DNAJC3: variants seen among roughly 807,000 people sequenced by gnomAD.
DNAJC3 encodes DnaJ heat shock protein family (Hsp40) member C3, also known as dnaJ homolog subfamily C member 3.
Under a neutral mutation model 68.6 loss-of-function variants are expected in DNAJC3, and 38 were observed. The ratio of observed to expected loss-of-function variants is 0.55; its 90% CI spans 0.43 to 0.73. The LOEUF is 0.73. DNAJC3 is among the 30% of genes least tolerant of loss of function. The pLI is 0.00. For synonymous variants in DNAJC3, 203 were observed against 204.0 expected, an observed-to-expected ratio of 1.00 and a Z score of 0.04; for missense variants, 526 against 591.9, an observed-to-expected ratio of 0.89 and a Z score of 1.16.
At position 95,792,568 on chromosome 13, in the gene DNAJC3, T is replaced by C. The variant is rs1594036573; in HGVS notation, c.*1538T>C. On this transcript the variant is annotated 3_prime_UTR_variant, in exon 12 of 12. Coordinates refer to ENST00000602402, the MANE Select transcript of DNAJC3 (RefSeq NM_006260.5). The stretch of plus-strand genomic sequence containing the variant: ...TCGTCTGTAGTCATATCCTGAAACA[T>C]AGGTGGACAAATTTTTAACTGAGAG... 3 of 152,274 alleles carry C rather than the reference T, an allele frequency of 2.0e-5. No individual in the cohort carries two copies. The highest frequency in any genetic ancestry group is 6.5e-5 in the Admixed American group (1 of 15,300). The allele number at this position is 152,274 out of a possible 1,614,324, so 9.4% of individuals were successfully genotyped here.
chr13:95,747,887 G>A (rs1882351757), intron 4 of DNAJC3, among the ~76,000 whole-genome samples: 1 of 152,220 alleles, frequency 6.6e-6, no homozygotes, highest in Non-Finnish European at 1.5e-5. Flanking sequence ...AATTGTCCAT[G>A]CTATTCCCTG....
At chr13:95,677,505 TC>T (rs1879791083) in intron 1 of DNAJC3, among the ~76,000 whole-genome samples, 168 bp downstream of exon 1, 1 of 152,100 alleles carries the variant, frequency 6.6e-6, no homozygotes, top group Non-Finnish European at 1.5e-5. Flanking sequence ...TCCGGGTTTG[TC>T]TGGGGAAGAA....
Position 95,723,122 on chromosome 13 carries a change from C to G in DNAJC3, c.194-120C>G, listed in dbSNP as rs527564601. On this transcript the variant is annotated intron_variant, in intron 2 of 11. Transcript: ENST00000602402. ...ATGACTCTTTTTTGATGATGAGATT[C>G]TTTTCTTAATGTCCATCTTAGTAGA... 4.3e-6 allele frequency: 4 copies of G among 926,436 alleles called. No individual in the cohort carries two copies. In the East Asian group the frequency reaches 1.1e-4, roughly 25 times the overall value. 57.4% of individuals were successfully genotyped at this position (926,436 alleles called of 1,614,324 possible).
chr13:95,704,019 A>G (rs1880650153), intron 1 of DNAJC3, among the ~76,000 whole-genome samples: 2 of 152,178 alleles, frequency 1.3e-5, no homozygotes, highest in South Asian at 2.1e-4. Flanking sequence ...GCAAAATAGC[A>G]CACTTGTTTG....
At chr13:95,750,548 T>C (rs1276166168) in intron 4 of DNAJC3, among the ~76,000 whole-genome samples, 13 of 151,922 alleles carry the variant, frequency 8.6e-5, no homozygotes, top group African/African-American at 3.1e-4. Flanking sequence ...TTTGGTCTGT[T>C]GCCCAGGCTG....
intron 4 of DNAJC3, among the ~76,000 whole-genome samples, chr13:95,726,398 T>C (rs1881523335): frequency 6.6e-6 from 1 of 152,186 alleles, no homozygotes; most frequent in Non-Finnish European, 1.5e-5. Context: ...CTCATTGTGG[T>C]TTTGATTTGC....
At chr13:95,702,186 T>A (rs7983920) in intron 1 of DNAJC3, among the ~76,000 whole-genome samples, 10,392 of 152,264 alleles carry the variant, frequency 0.068, 415 homozygotes, top group East Asian at 0.14. Context: ...CACATATAAC[T>A]GTGTAACCCA....
intron 9 of DNAJC3, among the ~76,000 whole-genome samples, chr13:95,778,733 T>A (rs1883354031): frequency 6.6e-6 from 1 of 152,216 alleles, no homozygotes; most frequent in South Asian, 2.1e-4. Flanking sequence ...TGTGCAGTCA[T>A]AGTTGAGAAT....
Position 95,723,288 on chromosome 13 carries a change from C to G in DNAJC3, c.240C>G (p.Val80=), listed in dbSNP as rs770887767. ...NYIAYYRRAT[V]FLAMGKSKAA... is the part of the protein sequence containing the mutation. Reference sequence around the variant, plus strand: ...TTGCTTATTATCGGAGGGCTACTGTCTTTTTAGCTATGGGCAAATCAAAAG... The same window carrying G: ...TTGCTTATTATCGGAGGGCTACTGTGTTTTTAGCTATGGGCAAATCAAAAG... The change falls in exon 3 of 12, where the codon GTC becomes GTG. Residue 80 remains valine (V), a synonymous_variant. Coordinates refer to ENST00000602402, the MANE Select transcript of DNAJC3 (RefSeq NM_006260.5). The G allele has an allele frequency of 1.9e-6, 3 of 1,611,800 alleles. No homozygotes were observed. Among genetic ancestry groups the G allele is most frequent in the South Asian group, 1.1e-5 (1 of 90,890 alleles).
chr13:95,764,679 TATATACAC>T (rs1225925168), intron 9 of DNAJC3, among the ~76,000 whole-genome samples: 31 of 120,602 alleles, frequency 2.6e-4, no homozygotes, highest in African/African-American at 1.2e-3. Context: ...TATATATATA[TATATACAC>T]ACACACACAT....
chr13:95,761,523 C>A (rs1594012241), intron 7 of DNAJC3, among the ~76,000 whole-genome samples: 1 of 152,180 alleles, frequency 6.6e-6, no homozygotes. Context: ...ATCTTGCAGA[C>A]TATAACGCCT....
chr13:95,705,377 C>G (rs1880705345), intron 1 of DNAJC3, among the ~76,000 whole-genome samples: 1 of 152,150 alleles, frequency 6.6e-6, no homozygotes, highest in Non-Finnish European at 1.5e-5. Context: ...ACTCTAAAAT[C>G]CCATCATCCG....
chr13:95,729,310 TTCTCCC>T lies in DNAJC3; in HGVS notation c.393+4066_393+4071del, dbSNP rs1448148808. Among the ~76,000 whole-genome samples, 4 of 97,886 alleles carry T rather than the reference TTCTCCC, an allele frequency of 4.1e-5. No homozygotes were observed. The East Asian group carries it at 1.5e-3, about 37-fold the overall frequency. 64.2% of individuals were successfully genotyped at this position (97,886 alleles called of 152,430 possible). On this transcript the variant is annotated intron_variant, in intron 4 of 11. Coordinates refer to ENST00000602402, the MANE Select transcript of DNAJC3 (RefSeq NM_006260.5). ...CCTCTCCTTCTCCCTCTCCCTCTCCTTCTCCCTCTCCCTGTCCTTTTCCCTCTCCCT... is the reference window on the plus strand; with the variant it reads ...CCTCTCCTTCTCCCTCTCCCTCTCCTTCTCCCTGTCCTTTTCCCTCTCCCT...
chr13:95,790,970 G>T lies in DNAJC3; in HGVS notation c.1455G>T (p.Trp485Cys). The T allele has an allele frequency of 6.2e-7, 1 of 1,612,788 alleles. No homozygotes were observed. The highest frequency in any genetic ancestry group is 8.5e-7 in the Non-Finnish European group (1 of 1,179,704). Residue 485 changes from tryptophan to cysteine, a missense_variant, in exon 12 of 12, where the codon TGG becomes TGT. Transcript: ENST00000602402. ...GNPFHRSWNS[W>C]QGFNPFSSGG... ...CTTTCCACAGAAGCTGGAACTCATG[G>T]CAAGGGTTCAATCCCTTCAGCTCAG... is the stretch of plus-strand genomic sequence containing the variant.
intron 4 of DNAJC3, among the ~76,000 whole-genome samples, chr13:95,749,562 A>G (rs921100147): frequency 1.2e-4 from 19 of 152,162 alleles, no homozygotes; most frequent in Non-Finnish European, 8.8e-5. Flanking sequence ...GAAGAGATTG[A>G]TGGGGAGGGA....
At chr13:95,736,093 G>T (rs1435969734) in intron 4 of DNAJC3, among the ~76,000 whole-genome samples, 1 of 152,076 alleles carries the variant, frequency 6.6e-6, no homozygotes, top group Non-Finnish European at 1.5e-5. Context: ...TTTCCCCATT[G>T]CTTGTTTTTC....
intron 1 of DNAJC3, chr13:95,692,823 CTT>C (rs560572728): frequency 2.2e-4 from 31 of 141,542 alleles, no homozygotes; most frequent in Middle Eastern, 3.8e-3. Context: ...GCACCCATGC[CTT>C]TTTTTTTTTT....
At position 95,789,160 on chromosome 13, in the gene DNAJC3, A is replaced by AT. The variant is rs201551035; in HGVS notation, c.1358-1703dup. The stretch of plus-strand genomic sequence containing the variant: ...ACCTAGCTATATGCTAAGTCTTTTT[A>AT]TTTTTTTTTTGTAAGTTCAGGGGTA... On this transcript the variant is annotated intron_variant, in intron 11 of 11. Transcript: ENST00000602402. Among the ~76,000 whole-genome samples, 1,038 of 149,528 alleles carry AT rather than the reference A, an allele frequency of 6.9e-3. 7 individuals carry two copies. The highest frequency in any genetic ancestry group is 0.026 in the East Asian group (135 of 5,114).
At chr13:95,707,454 A>T (rs1219408449) in intron 1 of DNAJC3, among the ~76,000 whole-genome samples, 1 of 152,100 alleles carries the variant, frequency 6.6e-6, no homozygotes, top group East Asian at 1.9e-4. Flanking sequence ...CAGTCAACCA[A>T]AGTGATAGCT....
Sources: allele counts gnomAD v4.1 joint callset (sites outside exome capture counted in the v4.1 genomes callset), GRCh38; gene constraint gnomAD v4.1.1; transcripts MANE v1.5; gene names NCBI Gene and HGNC (gene_info 2026-07-23, HGNC 2026-07-21).